The following FBXL2 variants were observed in gnomAD, a reference collection of about 807,000 sequenced individuals.
FBXL2 encodes the protein F-box/LRR-repeat protein 2.
FBXL2 carries 38 observed loss-of-function variants against 69.2 expected under a neutral mutation model. That is an observed-to-expected ratio of 0.55 (90% CI 0.42 to 0.72). The LOEUF (loss-of-function observed/expected upper bound fraction) is 0.72. Ranked by LOEUF, FBXL2 falls within the 30% of genes least tolerant of loss-of-function variation. The pLI is 0.00. For missense variants in FBXL2, 354 were observed against 520.3 expected (o/e 0.68, Z 3.11); for synonymous variants, 192 against 201.3 (o/e 0.95, Z 0.39).
chr3:33,279,678 T>A (rs1277533003), intron 1 of FBXL2, among the ~76,000 whole-genome samples: 1 of 152,252 alleles, frequency 6.6e-6, no homozygotes. Context: ...TATTTCTCAA[T>A]GAAAATTTCT....
At chr3:33,361,076 C>T (rs1463217888) in intron 4 of FBXL2, among the ~76,000 whole-genome samples, 11 of 148,902 alleles carry the variant, frequency 7.4e-5, no homozygotes, top group African/African-American at 1.2e-4. Context: ...GGACTACAGG[C>T]GCCTGCCACC....
intron 9 of FBXL2, among the ~76,000 whole-genome samples, chr3:33,374,366 G>C (rs1037894388): frequency 1.2e-4 from 19 of 152,166 alleles, no homozygotes; most frequent in African/African-American, 4.6e-4. Flanking sequence ...CAAGAGCAAG[G>C]TGGCATTTTC....
At chr3:33,291,750 A>T (rs2035244573) in intron 1 of FBXL2, among the ~76,000 whole-genome samples, 1 of 152,228 alleles carries the variant, frequency 6.6e-6, no homozygotes, top group African/African-American at 2.4e-5. Flanking sequence ...GGAAAAAGTC[A>T]GGAAAGCAGA....
intron 4 of FBXL2, 139 bp downstream of exon 4, chr3:33,359,496 G>A (rs1226240142): frequency 2.0e-6 from 1 of 508,310 alleles, no homozygotes; most frequent in Non-Finnish European, 3.4e-6. Flanking sequence ...AACTGGAAGG[G>A]ATTTGCATAC....
chr3:33,297,865 A>G, intron 2 of FBXL2, 140 bp downstream of exon 2: 1 of 683,214 alleles, frequency 1.5e-6, no homozygotes, highest in Admixed American at 2.3e-5. Context: ...TTTTTGTTTT[A>G]TAGAATGCTG....
At chr3:33,398,909 G>T (rs1017307686) in intron 12 of FBXL2, among the ~76,000 whole-genome samples, 1 of 152,180 alleles carries the variant, frequency 6.6e-6, no homozygotes, top group Non-Finnish European at 1.5e-5. Context: ...CACATAAAAG[G>T]CTTTACTTAA....
At chr3:33,358,304 C>T (rs2041358906) in intron 2 of FBXL2, among the ~76,000 whole-genome samples, 1 of 152,202 alleles carries the variant, frequency 6.6e-6, no homozygotes, top group Non-Finnish European at 1.5e-5. Context: ...AGCAGCAGCT[C>T]CTCTCCTTGA....
chr3:33,364,754 C>A, intron 5 of FBXL2, 35 bp downstream of exon 5: 2 of 1,537,920 alleles, frequency 1.3e-6, no homozygotes, highest in Non-Finnish European at 1.8e-6. Flanking sequence ...GTCATGGCAG[C>A]TTGTAGCATT....
chr3:33,401,043 T>C (rs373936845), intron 12 of FBXL2: 1 of 1,576,358 alleles, frequency 6.3e-7, no homozygotes, highest in South Asian at 1.2e-5. Flanking sequence ...AAGAAGGAAA[T>C]GATGATTTTT....
At chr3:33,341,872 T>G (rs929938901) in intron 2 of FBXL2, among the ~76,000 whole-genome samples, 3 of 148,498 alleles carry the variant, frequency 2.0e-5, no homozygotes, top group African/African-American at 7.4e-5. Flanking sequence ...GTGAAGGCTC[T>G]GGGGCTCTGG....
intron 4 of FBXL2, among the ~76,000 whole-genome samples, chr3:33,363,758 G>A (rs141348483): frequency 1.9e-3 from 286 of 152,236 alleles, no homozygotes; most frequent in African/African-American, 6.1e-3. Flanking sequence ...TGTTCATGAA[G>A]TTTTTTGACT....
intron 2 of FBXL2, among the ~76,000 whole-genome samples, chr3:33,353,709 A>AC (rs1375427444): frequency 2.6e-5 from 4 of 152,062 alleles, no homozygotes; most frequent in African/African-American, 9.7e-5. Context: ...GACAACATAG[A>AC]CCCCATCTCT....
At chr3:33,301,996 T>G (rs913270554) in intron 2 of FBXL2, among the ~76,000 whole-genome samples, 4 of 152,230 alleles carry the variant, frequency 2.6e-5, no homozygotes, top group Admixed American at 1.3e-4. Context: ...CTTATGGGGT[T>G]GTTGTTCTTA....
chr3:33,282,797 C>G (rs575200069), intron 1 of FBXL2, among the ~76,000 whole-genome samples: 1 of 152,166 alleles, frequency 6.6e-6, no homozygotes, highest in East Asian at 1.9e-4. Flanking sequence ...GTATTTTATT[C>G]TCTTTGAAAC....
At chr3:33,378,884 G>A in intron 13 of FBXL2, 143 bp downstream of exon 13, 1 of 1,453,406 alleles carries the variant, frequency 6.9e-7, no homozygotes, top group Non-Finnish European at 9.1e-7. Flanking sequence ...TAACTTGGGA[G>A]GCAAGGTATC....
intron 2 of FBXL2, among the ~76,000 whole-genome samples, chr3:33,328,782 G>A (rs534295445): frequency 1.3e-4 from 19 of 147,914 alleles, no homozygotes; most frequent in African/African-American, 4.8e-4. Flanking sequence ...CGTTGGTTTG[G>A]GCAAATTTGT....
upstream of FBXL2, chr3:33,277,367 C>A (rs1477793116): frequency 5.8e-6 from 5 of 854,930 alleles, no homozygotes; most frequent in Admixed American, 8.7e-5. Flanking sequence ...ACCGCCCCTG[C>A]GGGTCACGTG....
In FBXL2 at chr3:33,322,064, ATTTTTTTTTTTTTTTTT is replaced by A. The variant is rs34703817; in HGVS notation, c.65+24354_65+24370del. Among the ~76,000 whole-genome samples, 9 of 62,482 alleles carry A rather than the reference ATTTTTTTTTTTTTTTTT, an allele frequency of 1.4e-4. No homozygotes were observed. The South Asian group carries it at 2.9e-3, about 20-fold the overall frequency. The allele number at this position is 62,482 out of a possible 152,430, so 41.0% of individuals were successfully genotyped here. The stretch of plus-strand genomic sequence containing the variant: ...CAAATGTACACGTGGTGACTAGGTG[ATTTTTTTTTTTTTTTTT>A]TTTTTTTTTTTTTTGAGACTGAGCC... On this transcript the variant is annotated intron_variant, in intron 2 of 14. Coordinates refer to ENST00000484457, the MANE Select transcript of FBXL2 (RefSeq NM_012157.5).
At chr3:33,323,960 C>T (rs1408616324) in intron 2 of FBXL2, among the ~76,000 whole-genome samples, 3 of 152,328 alleles carry the variant, frequency 2.0e-5, no homozygotes, top group Non-Finnish European at 4.4e-5. Flanking sequence ...ACATCCTCTC[C>T]AGCATCTGTT....
Sources: allele counts gnomAD v4.1 joint callset (sites outside exome capture counted in the v4.1 genomes callset), GRCh38; gene constraint gnomAD v4.1.1; transcripts MANE v1.5; gene names NCBI Gene and HGNC (gene_info 2026-07-23, HGNC 2026-07-21).